ADARB2: variants seen among roughly 807,000 people sequenced by gnomAD.
ADARB2 encodes inactive double-stranded RNA-specific editase B2.
ADARB2 carries 25 observed loss-of-function variants against 62.2 expected under a neutral mutation model. The observed-to-expected ratio is 0.40, with a 90% confidence interval of 0.29 to 0.56. ADARB2 has a LOEUF of 0.56. Among genes scored for constraint, ADARB2 ranks in the 20% least tolerant of loss-of-function variants. ADARB2 has a pLI of 0.43. For synonymous variants in ADARB2, 572 were observed against 500.8 expected, an observed-to-expected ratio of 1.14 and a Z score of -1.90; for missense variants, 1,071 against 1,077.4, an observed-to-expected ratio of 0.99 and a Z score of 0.08.
At chr10:1,286,533 G>A (rs919140030) in intron 3 of ADARB2, among the ~76,000 whole-genome samples, 3 of 152,148 alleles carry the variant, frequency 2.0e-5, no homozygotes, top group Non-Finnish European at 4.4e-5. Context: ...TTGAGTGAAG[G>A]CATGAAAAGG....
chr10:1,485,073 T>C (rs12767295), intron 1 of ADARB2, among the ~76,000 whole-genome samples: 79,189 of 151,566 alleles, frequency 0.52, 21,123 homozygotes, highest in East Asian at 0.64. Flanking sequence ...TATGTAGGTA[T>C]GTAGGTGGAT....
chr10:1,244,364 G>T (rs978446888), intron 4 of ADARB2, among the ~76,000 whole-genome samples: 1 of 152,238 alleles, frequency 6.6e-6, no homozygotes, highest in African/African-American at 2.4e-5. Flanking sequence ...CGACCGGTGC[G>T]CATGCAGTCT....
chr10:1,385,929 A>G (rs1187067228), intron 1 of ADARB2, among the ~76,000 whole-genome samples: 1 of 152,152 alleles, frequency 6.6e-6, no homozygotes, highest in Non-Finnish European at 1.5e-5. Context: ...TGCAATGAGA[A>G]TGACAGAATA....
At chr10:1,445,943 G>T (rs146926732) in intron 1 of ADARB2, among the ~76,000 whole-genome samples, 1 of 152,180 alleles carries the variant, frequency 6.6e-6, no homozygotes, top group African/African-American at 2.4e-5. Context: ...TGAAAAATCC[G>T]TAGCTTTTCT....
At chr10:1,185,118 A>G (rs1836734664) in intron 8 of ADARB2, 79 bp from the exon 9 acceptor site, 3 of 1,501,096 alleles carry the variant, frequency 2.0e-6, no homozygotes, top group Non-Finnish European at 2.7e-6. Flanking sequence ...CTGCGGGGAA[A>G]TGGAGCCTGT....
intron 1 of ADARB2, among the ~76,000 whole-genome samples, chr10:1,472,577 T>C (rs1831339000): frequency 6.6e-6 from 1 of 152,256 alleles, no homozygotes; most frequent in East Asian, 1.9e-4. Flanking sequence ...AGGAGAGAAA[T>C]GTCATGCCTT....
intron 1 of ADARB2, among the ~76,000 whole-genome samples, chr10:1,510,125 T>TTTCTTTCTTTCTTTCTTTCTTTCTTTC (rs1831912919): frequency 7.7e-6 from 1 of 129,946 alleles, no homozygotes; most frequent in African/African-American, 3.1e-5. Flanking sequence ...TCTTTCTTTC[T>TTTCTTTCTTTCTTTCTTTCTTTCTTTC]TTCTTTCTTT....
At chr10:1,362,568 C>T (rs1050223712) in intron 3 of ADARB2, among the ~76,000 whole-genome samples, 6 of 152,160 alleles carry the variant, frequency 3.9e-5, no homozygotes, top group Non-Finnish European at 8.8e-5. Flanking sequence ...CCTCCTCGGC[C>T]TCCCAGCGCG....
intron 1 of ADARB2, among the ~76,000 whole-genome samples, chr10:1,647,499 G>T (rs1834058651): frequency 6.6e-6 from 1 of 152,048 alleles, no homozygotes; most frequent in Non-Finnish European, 1.5e-5. Flanking sequence ...ATATACATGT[G>T]TATATATATG....
intron 3 of ADARB2, among the ~76,000 whole-genome samples, chr10:1,327,560 C>CCAGCGCCTCCTCACTGCA (rs1234942983): frequency 4.7e-5 from 1 of 21,264 alleles, no homozygotes; most frequent in African/African-American, 2.0e-4. Flanking sequence ...TCCTCACGGC[C>CCAGCGCCTCCTCACTGCA]CAGCGCCTCC....
intron 1 of ADARB2, among the ~76,000 whole-genome samples, chr10:1,510,170 T>TTCTATC (rs10655123): frequency 1.3e-5 from 1 of 76,164 alleles, no homozygotes; most frequent in African/African-American, 4.6e-5. Flanking sequence ...CTTTCTTTCT[T>TTCTATC]TTTCTTTCTT....
chr10:1,594,011 G>T (rs1320725729), intron 1 of ADARB2, among the ~76,000 whole-genome samples: 1 of 152,184 alleles, frequency 6.6e-6, no homozygotes, highest in Non-Finnish European at 1.5e-5. Flanking sequence ...AGTCTGTGAG[G>T]CCGGGTGCAG....
intron 7 of ADARB2, among the ~76,000 whole-genome samples, chr10:1,206,633 G>A (rs976541579): frequency 6.6e-6 from 1 of 152,168 alleles, no homozygotes; most frequent in Non-Finnish European, 1.5e-5. Context: ...GGGACCTTTG[G>A]TTCTTTCTGT....
chr10:1,293,228 G>GGGGGATAGGGACAGAGGGAGGGAA (rs1554752375), intron 3 of ADARB2, among the ~76,000 whole-genome samples: 1 of 108,450 alleles, frequency 9.2e-6, no homozygotes, highest in Admixed American at 9.1e-5. Flanking sequence ...GAGAGGGACG[G>GGGGGATAGGGACAGAGGGAGGGAA]GGAGGGAGAG....
At position 1,255,173 on chromosome 10, in the gene ADARB2, G is replaced by A. The variant is rs1356986674; in HGVS notation, c.1193-12874C>T. 6.6e-6 allele frequency among the ~76,000 whole-genome samples: 1 copy of A among 152,240 alleles called. No individual in the cohort carries two copies. The highest frequency in any genetic ancestry group is 6.5e-5 in the Admixed American group (1 of 15,292). ...CCTCATGGGGCCAAAACATGAGGGA[G>A]TGCTTGGATCCAGGAATGTCAGAAA... On this transcript the variant is annotated intron_variant, in intron 4 of 9. Transcript: ENST00000381312. This position sits in a 1 kb window ranked among gnomAD's most constrained non-coding sequence, Gnocchi z 4.7.
chr10:1,578,666 C>CA (rs1253232370), intron 1 of ADARB2, among the ~76,000 whole-genome samples: 8 of 144,902 alleles, frequency 5.5e-5, no homozygotes, highest in African/African-American at 2.0e-4. Context: ...ACCCCAAACA[C>CA]ACACACACAC....
intron 8 of ADARB2, among the ~76,000 whole-genome samples, chr10:1,198,314 A>G (rs1836937867): frequency 6.6e-6 from 1 of 152,218 alleles, no homozygotes; most frequent in African/African-American, 2.4e-5. Flanking sequence ...AGTTCTGCAA[A>G]CTGACCTTGA....
intron 4 of ADARB2, among the ~76,000 whole-genome samples, chr10:1,247,103 A>T (rs372564507): frequency 2.3e-4 from 35 of 152,226 alleles, no homozygotes; most frequent in African/African-American, 4.8e-4. Flanking sequence ...CAATTGTGAA[A>T]GGGAGTTCAC....
intron 4 of ADARB2, among the ~76,000 whole-genome samples, chr10:1,266,751 C>G (rs570141748): frequency 6.6e-6 from 1 of 152,312 alleles, no homozygotes; most frequent in African/African-American, 2.4e-5. Flanking sequence ...AGCCACTGCC[C>G]CTGGCCTGGA....
Sources: gnomAD v4.1 joint callset for allele counts (sites outside exome capture counted in the v4.1 genomes callset) on GRCh38, gnomAD v4.1.1 for gene constraint, Gnocchi (gnomAD v3.1) non-coding constraint, MANE v1.5 for transcripts, NCBI Gene and HGNC (gene_info 2026-07-23, HGNC 2026-07-21) for gene names.